The following TMEM132D variants were observed in gnomAD, a reference collection of about 807,000 sequenced individuals.
TMEM132D encodes the protein transmembrane protein 132D, also known as mature OL transmembrane protein.
Under a neutral mutation model 62.3 loss-of-function variants are expected in TMEM132D, and 21 were observed. The observed-to-expected ratio is 0.34, with a 90% CI of 0.24 to 0.49. TMEM132D has a LOEUF of 0.49. TMEM132D is among the 20% of genes least tolerant of loss of function. TMEM132D has a pLI of 0.99. For missense variants in TMEM132D, 1,346 were observed against 1,402.8 expected (o/e 0.96, Z 0.65); for synonymous variants, 621 against 575.6 (o/e 1.08, Z -1.13).
chr12:129,563,299 A>G (rs1877286544), intron 2 of TMEM132D, among the ~76,000 whole-genome samples: 1 of 152,154 alleles, frequency 6.6e-6, no homozygotes, highest in Non-Finnish European at 1.5e-5. Flanking sequence ...AGTGACATAA[A>G]TTTCTGCTGT....
chr12:129,245,319 G>A (rs1048659867), intron 4 of TMEM132D, among the ~76,000 whole-genome samples: 2 of 152,138 alleles, frequency 1.3e-5, no homozygotes, highest in Non-Finnish European at 2.9e-5. Context: ...TGTAGCTATA[G>A]CTTTAGACTG....
intron 3 of TMEM132D, among the ~76,000 whole-genome samples, chr12:129,466,301 T>G (rs1481154017): frequency 0.43 from 43,537 of 102,124 alleles, 13,270 homozygotes; most frequent in African/African-American, 0.5. Flanking sequence ...TTTTTTTTTT[T>G]TTTTTTTTTT....
intron 3 of TMEM132D, among the ~76,000 whole-genome samples, chr12:129,390,346 C>T (rs951080739): frequency 1.3e-5 from 2 of 152,126 alleles, no homozygotes; most frequent in Non-Finnish European, 2.9e-5. Context: ...CCCACAAAGC[C>T]CCAGATATTT....
At chr12:129,106,209 T>C (rs918607905) in intron 5 of TMEM132D, among the ~76,000 whole-genome samples, 9 of 147,164 alleles carry the variant, frequency 6.1e-5, no homozygotes, top group Non-Finnish European at 8.9e-5. Context: ...CAGGTGGGAA[T>C]TGAACAATGA....
intron 1 of TMEM132D, among the ~76,000 whole-genome samples, chr12:129,709,465 A>C (rs549615317): frequency 1.3e-5 from 2 of 152,324 alleles, no homozygotes; most frequent in African/African-American, 4.8e-5. Flanking sequence ...TGAGACTGTA[A>C]AAAACTCTGT....
chr12:129,416,206 T>C (rs370614000), intron 3 of TMEM132D, among the ~76,000 whole-genome samples: 6 of 152,360 alleles, frequency 3.9e-5, no homozygotes, highest in African/African-American at 1.4e-4. Flanking sequence ...TGTTTTTCCA[T>C]TTGTTTGTGT....
intron 5 of TMEM132D, among the ~76,000 whole-genome samples, chr12:129,168,610 C>G (rs894382435): frequency 6.6e-6 from 1 of 152,162 alleles, no homozygotes; most frequent in Non-Finnish European, 1.5e-5. Flanking sequence ...GTGATGGACC[C>G]TCAAGTTCAC....
chr12:129,318,066 CCTTGCATTGGG>C (rs1868544592), intron 4 of TMEM132D, among the ~76,000 whole-genome samples: 1 of 152,048 alleles, frequency 6.6e-6, no homozygotes, highest in South Asian at 2.1e-4. Context: ...GTTTGGATTT[CCTTGCATTGGG>C]CTTTGCCTTT....
At chr12:129,661,381 T>C (rs1402840224) in intron 2 of TMEM132D, among the ~76,000 whole-genome samples, 3 of 152,198 alleles carry the variant, frequency 2.0e-5, no homozygotes, top group Non-Finnish European at 2.9e-5. Context: ...AAACCTAATT[T>C]TCACAGATCG....
chr12:129,585,884 A>C lies in TMEM132D; in HGVS notation c.969-54679T>G, dbSNP rs186247023. ...GTATATCTTGATAAATTTTAAAAAT[A>C]ATTTTGCAAGAGGAAAGCGAAAAAT... is the stretch of plus-strand genomic sequence containing the variant. On this transcript the variant is annotated intron_variant, in intron 2 of 8. Coordinates refer to ENST00000422113, the MANE Select transcript of TMEM132D (RefSeq NM_133448.3). Among the ~76,000 whole-genome samples the C allele has an allele frequency of 6.3e-3, 962 of 152,128 alleles. 15 individuals are homozygous for C. The highest frequency in any genetic ancestry group is 0.022 in the African/African-American group (915 of 41,480).
chr12:129,291,629 A>T (rs557014889), intron 4 of TMEM132D, among the ~76,000 whole-genome samples: 1 of 152,212 alleles, frequency 6.6e-6, no homozygotes, highest in Non-Finnish European at 1.5e-5. Context: ...TTAGAATCCA[A>T]GCTCTCTGCA....
rs2137227509 is a variant in TMEM132D, at chr12:129,700,514, C to T, written c.264G>A (p.Arg88=). Residue 88 remains arginine (R), a synonymous_variant, in exon 2 of 9, where the codon AGG becomes AGA. Coordinates refer to ENST00000422113, the MANE Select transcript of TMEM132D (RefSeq NM_133448.3). ...RVESFLIYKS[R]RLPVLNASYG... ...AGCTGGCATTGAGGACAGGCAGCCT[C>T]CTGGATTTGTAAATCAGAAATGACT... 3.1e-6 allele frequency: 5 copies of T among 1,614,146 alleles called. No individual in the cohort carries two copies. The highest frequency in any genetic ancestry group is 4.2e-6 in the Non-Finnish European group (5 of 1,180,040).
intron 1 of TMEM132D, among the ~76,000 whole-genome samples, chr12:129,900,695 C>G (rs1312686616): frequency 6.6e-6 from 1 of 152,180 alleles, no homozygotes; most frequent in African/African-American, 2.4e-5. Flanking sequence ...ATACACCTGC[C>G]CCCTCCCATA....
At chr12:129,843,746 G>T in intron 1 of TMEM132D, among the ~76,000 whole-genome samples, 1 of 152,026 alleles carries the variant, frequency 6.6e-6, no homozygotes, top group Non-Finnish European at 1.5e-5. Context: ...AATAGATATT[G>T]AAAGACACTT....
At chr12:129,799,488 T>C (rs1401034719) in intron 1 of TMEM132D, among the ~76,000 whole-genome samples, 1 of 151,976 alleles carries the variant, frequency 6.6e-6, no homozygotes, top group African/African-American at 2.4e-5. Context: ...TTCTTTTGGA[T>C]GGAGAAAGTT....
intron 3 of TMEM132D, among the ~76,000 whole-genome samples, chr12:129,406,294 CAT>C (rs1369341669): frequency 6.6e-6 from 1 of 152,170 alleles, no homozygotes; most frequent in Non-Finnish European, 1.5e-5. Context: ...TGAGCATATA[CAT>C]GTGTACACAT....
chr12:129,891,534 C>G (rs1332375084), intron 1 of TMEM132D, among the ~76,000 whole-genome samples: 1 of 152,180 alleles, frequency 6.6e-6, no homozygotes, highest in African/African-American at 2.4e-5. Context: ...ACTTTCAAAT[C>G]CGGCTAATAT....
At chr12:129,768,923 T>G (rs1160884925) in intron 1 of TMEM132D, among the ~76,000 whole-genome samples, 2 of 152,200 alleles carry the variant, frequency 1.3e-5, no homozygotes, top group African/African-American at 4.8e-5. Context: ...TGTTGGCAGT[T>G]CAGTTCTAAA....
intron 2 of TMEM132D, among the ~76,000 whole-genome samples, chr12:129,623,436 C>G (rs2137161128): frequency 6.6e-6 from 1 of 152,098 alleles, no homozygotes; most frequent in South Asian, 2.1e-4. Context: ...ATCCACCCTC[C>G]CCTCTTCTGA....
Sources: allele counts gnomAD v4.1 joint callset (sites outside exome capture counted in the v4.1 genomes callset), GRCh38; gene constraint gnomAD v4.1.1; transcripts MANE v1.5; gene names NCBI Gene and HGNC (gene_info 2026-07-23, HGNC 2026-07-21).